The following TMEM163 variants were observed in gnomAD, a reference collection of about 807,000 sequenced individuals.
TMEM163 encodes transmembrane protein 163.
Under a neutral mutation model 29.3 loss-of-function variants are expected in TMEM163, and 17 were observed. That is an observed-to-expected ratio of 0.58 (90% CI 0.40 to 0.87). The LOEUF (loss-of-function observed/expected upper bound fraction) is 0.87, where lower values mean the gene tolerates loss of function less well. TMEM163 is among the 40% of genes least tolerant of loss of function. The pLI is 0.00. For synonymous variants in TMEM163, 157 were observed against 160.6 expected (o/e 0.98, Z 0.17); for missense variants, 303 against 381.5 (o/e 0.79, Z 1.71).
chr2:134,616,357 G>A (rs1334486340), intron 2 of TMEM163, among the ~76,000 whole-genome samples: 1 of 152,182 alleles, frequency 6.6e-6, no homozygotes, highest in Non-Finnish European at 1.5e-5. Flanking sequence ...AATTTTGCAA[G>A]AGTTCCAATG....
intron 2 of TMEM163, among the ~76,000 whole-genome samples, chr2:134,684,648 G>A (rs972678229): frequency 4.6e-5 from 7 of 152,102 alleles, no homozygotes; most frequent in East Asian, 3.9e-4. Context: ...AAAGCAGGCC[G>A]GGCGAGGTGG....
intron 4 of TMEM163, among the ~76,000 whole-genome samples, chr2:134,523,299 A>T (rs1680226034): frequency 2.0e-5 from 3 of 152,180 alleles, no homozygotes; most frequent in South Asian, 4.2e-4. Flanking sequence ...CCACAGAATA[A>T]AAACATCACC....
intron 2 of TMEM163, among the ~76,000 whole-genome samples, chr2:134,680,046 C>T (rs1684197379): frequency 6.6e-6 from 1 of 152,210 alleles, no homozygotes; most frequent in Admixed American, 6.5e-5. Context: ...ATACAGGCAA[C>T]CTGAGTTTCC....
intron 5 of TMEM163, among the ~76,000 whole-genome samples, chr2:134,495,142 C>T (rs1679521215): frequency 6.6e-6 from 1 of 152,190 alleles, no homozygotes; most frequent in Non-Finnish European, 1.5e-5. Context: ...TCAGAGAGCG[C>T]TTTCACGAGT....
chr2:134,528,939 T>C (rs1680354217), intron 4 of TMEM163, among the ~76,000 whole-genome samples: 1 of 152,150 alleles, frequency 6.6e-6, no homozygotes, highest in Non-Finnish European at 1.5e-5. Flanking sequence ...AGGAAGTACA[T>C]CAAGATTTTC....
chr2:134,708,846 CA>C (rs1429113465), intron 2 of TMEM163, among the ~76,000 whole-genome samples: 2 of 152,112 alleles, frequency 1.3e-5, no homozygotes, highest in Non-Finnish European at 2.9e-5. Context: ...CCCCAGCCTC[CA>C]AAGTGCTGGG....
intron 4 of TMEM163, among the ~76,000 whole-genome samples, chr2:134,537,996 C>T (rs1458355120): frequency 1.3e-5 from 2 of 152,214 alleles, no homozygotes; most frequent in African/African-American, 2.4e-5. Context: ...TTGGAGCCTT[C>T]GTACTCTGCT....
intron 2 of TMEM163, among the ~76,000 whole-genome samples, chr2:134,670,137 G>A (rs941688686): frequency 6.6e-6 from 1 of 152,120 alleles, no homozygotes. Context: ...AACTTTAGTA[G>A]ACGTGGCTCC....
chr2:134,645,368 T>A (rs1683312094), intron 2 of TMEM163, among the ~76,000 whole-genome samples: 1 of 152,220 alleles, frequency 6.6e-6, no homozygotes, highest in Admixed American at 6.5e-5. Flanking sequence ...TGGCTGCATT[T>A]GTGCTATAAG....
chr2:134,709,865 A>T (rs1012805395), intron 2 of TMEM163, among the ~76,000 whole-genome samples: 1 of 152,226 alleles, frequency 6.6e-6, no homozygotes, highest in Non-Finnish European at 1.5e-5. Flanking sequence ...GAAGTCTGCT[A>T]CCTGGAGGCT....
At chr2:134,606,843 G>A (rs947663739) in intron 2 of TMEM163, among the ~76,000 whole-genome samples, 8 of 152,254 alleles carry the variant, frequency 5.3e-5, no homozygotes, top group Non-Finnish European at 7.3e-5. Flanking sequence ...GTAAACTTTC[G>A]TTTGGCGAAA....
At chr2:134,609,399 TG>T (rs1682439202) in intron 2 of TMEM163, among the ~76,000 whole-genome samples, 2 of 46,946 alleles carry the variant, frequency 4.3e-5, no homozygotes, top group African/African-American at 1.8e-4. Context: ...CCCCGAGAAC[TG>T]TACTGGTGAA....
chr2:134,538,433 A>G (rs1680590143), intron 4 of TMEM163, among the ~76,000 whole-genome samples: 2 of 152,328 alleles, frequency 1.3e-5, no homozygotes, highest in South Asian at 2.1e-4. Flanking sequence ...ACAATGACAC[A>G]TAGCAATTCC....
chr2:134,706,927 T>C (rs368074795), intron 2 of TMEM163, among the ~76,000 whole-genome samples: 2 of 152,192 alleles, frequency 1.3e-5, no homozygotes, highest in Admixed American at 6.5e-5. Flanking sequence ...CCACAGGGTA[T>C]GAAGACAGAA....
intron 2 of TMEM163, among the ~76,000 whole-genome samples, chr2:134,627,142 A>G (rs1490763359): frequency 6.6e-6 from 1 of 152,206 alleles, no homozygotes; most frequent in Non-Finnish European, 1.5e-5. Context: ...ATTTATTGGT[A>G]ACCTATATTC....
intron 4 of TMEM163, among the ~76,000 whole-genome samples, chr2:134,524,841 T>A (rs147927171): frequency 6.6e-6 from 1 of 150,514 alleles, no homozygotes; most frequent in East Asian, 2.0e-4. Context: ...TACATGCATG[T>A]ATGTTTATAA....
At chr2:134,698,113 G>A (rs1176068861) in intron 2 of TMEM163, among the ~76,000 whole-genome samples, 1 of 152,164 alleles carries the variant, frequency 6.6e-6, no homozygotes, top group East Asian at 1.9e-4. Context: ...GGGCTGTCCT[G>A]TGTACTCTAC....
chr2:134,528,596 T>A (rs531977488), intron 4 of TMEM163, among the ~76,000 whole-genome samples: 13 of 152,272 alleles, frequency 8.5e-5, no homozygotes, highest in African/African-American at 2.9e-4. Context: ...TGGAGTAACA[T>A]CTCTAGGGTC....
At chr2:134,503,332 C>T (rs662438) in intron 4 of TMEM163, among the ~76,000 whole-genome samples, 37,453 of 152,108 alleles carry the variant, frequency 0.25, 4,790 homozygotes, top group South Asian at 0.37. Flanking sequence ...CCTGCTCAAA[C>T]GGGAAGGCAC....
Sources: gnomAD v4.1 joint callset for allele counts (sites outside exome capture counted in the v4.1 genomes callset) on GRCh38, gnomAD v4.1.1 for gene constraint, MANE v1.5 for transcripts, NCBI Gene and HGNC (gene_info 2026-07-23, HGNC 2026-07-21) for gene names.